CSMD3: variants seen among roughly 807,000 people sequenced by gnomAD.
The protein encoded by CSMD3 is CUB and Sushi multiple domains 3.
CSMD3 carries 177 observed loss-of-function variants against 435.2 expected under a neutral mutation model. That is an observed-to-expected ratio of 0.41 (90% CI 0.36 to 0.46). The LOEUF (loss-of-function observed/expected upper bound fraction) is 0.46. Among genes scored for constraint, CSMD3 ranks in the 20% least tolerant of loss-of-function variants. The pLI is 0.34. For missense variants in CSMD3, 4,265 were observed against 4,504.6 expected (o/e 0.95, Z 1.52); for synonymous variants, 1,656 against 1,520.5 (o/e 1.09, Z -2.07).
At chr8:113,116,535 T>C (rs2090833959) in intron 4 of CSMD3, among the ~76,000 whole-genome samples, 1 of 152,154 alleles carries the variant, frequency 6.6e-6, no homozygotes, top group South Asian at 2.1e-4. Context: ...ACTTATACAG[T>C]TAATTGGTAC....
At position 113,134,149 on chromosome 8, in the gene CSMD3, T is replaced by C. The variant is rs527947100; in HGVS notation, c.710-35186A>G. Among the ~76,000 whole-genome samples, 261 of 152,236 alleles carry C rather than the reference T, an allele frequency of 1.7e-3. 1 individual carries two copies. Among genetic ancestry groups the C allele is most frequent in the Middle Eastern group, 3.4e-3 (1 of 294 alleles). ...TGTAGTGATTAGAAGGATTAATAAA[T>C]TCATATGTGATCAAATACCAAAATA... On this transcript the variant is annotated intron_variant, in intron 4 of 70. Transcript: ENST00000297405.
intron 20 of CSMD3, among the ~76,000 whole-genome samples, chr8:112,639,254 A>G (rs4642681): frequency 0.49 from 74,550 of 151,824 alleles, 18,941 homozygotes; most frequent in African/African-American, 0.59. Flanking sequence ...CAAATACTGC[A>G]CATGCCTCCA....
chr8:112,573,498 T>C lies in CSMD3; in HGVS notation c.4042+3A>G. 6.2e-7 allele frequency: 1 copy of C among 1,611,766 alleles called. No homozygotes were observed. Among genetic ancestry groups the C allele is most frequent in the South Asian group, 1.1e-5 (1 of 91,040 alleles). On this transcript the variant is annotated splice_donor_region_variant and intron_variant, in intron 24 of 70. Coordinates refer to ENST00000297405, the MANE Select transcript of CSMD3 (RefSeq NM_198123.2). ...GGCCATTTTACTCTTCTAAAATACT[T>C]ACTGGTATACACAAGTTGAAAGCCT... is the stretch of plus-strand genomic sequence containing the variant.
chr8:112,457,333 G>A (rs1816940434), intron 32 of CSMD3, among the ~76,000 whole-genome samples: 1 of 152,028 alleles, frequency 6.6e-6, no homozygotes, highest in Non-Finnish European at 1.5e-5. Flanking sequence ...ATTCACAGGC[G>A]AGTGAGAGAA....
chr8:113,369,119 T>C (rs1210734954), intron 1 of CSMD3, among the ~76,000 whole-genome samples: 2 of 152,038 alleles, frequency 1.3e-5, no homozygotes, highest in Admixed American at 6.6e-5. Flanking sequence ...ATCTTTATTA[T>C]AGTAAATCTC....
chr8:113,009,103 TTA>T (rs1004186365), intron 6 of CSMD3, among the ~76,000 whole-genome samples: 5 of 151,774 alleles, frequency 3.3e-5, no homozygotes, highest in African/African-American at 1.2e-4. Context: ...AATTAAATAT[TTA>T]TATATGTGTG....
chr8:113,019,995 C>T (rs1209115212), intron 5 of CSMD3, among the ~76,000 whole-genome samples: 4 of 150,506 alleles, frequency 2.7e-5, no homozygotes, highest in Non-Finnish European at 4.4e-5. Context: ...AACCCCGTCT[C>T]TACTAAAAAT....
At chr8:112,392,314 C>CAA (rs1200157495) in intron 35 of CSMD3, among the ~76,000 whole-genome samples, 1,600 of 83,786 alleles carry the variant, frequency 0.019, 32 homozygotes, top group East Asian at 0.038. Context: ...GGCAATTACT[C>CAA]AAAAAAAAAA....
chr8:112,799,202 T>G (rs72680223), intron 13 of CSMD3, among the ~76,000 whole-genome samples: 3,304 of 151,490 alleles, frequency 0.022, 63 homozygotes, highest in Non-Finnish European at 0.031. Context: ...AGTACCAAAT[T>G]TAGTCACACA....
chr8:113,207,214 T>C (rs1177647947), intron 3 of CSMD3, among the ~76,000 whole-genome samples: 1 of 152,176 alleles, frequency 6.6e-6, no homozygotes, highest in Non-Finnish European at 1.5e-5. Flanking sequence ...CTCCTTGGAA[T>C]GAACATGGTG....
intron 45 of CSMD3, 52 bp from the exon 46 acceptor site, chr8:112,320,033 C>A (rs1443104046): frequency 8.6e-7 from 1 of 1,161,986 alleles, no homozygotes; most frequent in East Asian, 2.3e-5. Context: ...TACATGTATT[C>A]ACATATGCAA....
intron 4 of CSMD3, among the ~76,000 whole-genome samples, chr8:113,128,374 T>A (rs1284126087): frequency 6.6e-6 from 1 of 152,002 alleles, no homozygotes; most frequent in Admixed American, 6.6e-5. Context: ...ATAAAATTTT[T>A]TTTTATTTTT....
chr8:112,911,772 T>C (rs1421353733), intron 10 of CSMD3, among the ~76,000 whole-genome samples: 3 of 146,602 alleles, frequency 2.0e-5, no homozygotes, highest in African/African-American at 4.9e-5. Flanking sequence ...TAGTTAATTG[T>C]TATGTATATA....
At chr8:113,232,524 T>A (rs925508189) in intron 3 of CSMD3, among the ~76,000 whole-genome samples, 30 of 151,772 alleles carry the variant, frequency 2.0e-4, no homozygotes, top group African/African-American at 7.0e-4. Context: ...ATGACAATGC[T>A]GCTGGTACTA....
At chr8:112,426,027 A>C (rs1813036835) in intron 32 of CSMD3, among the ~76,000 whole-genome samples, 1 of 152,170 alleles carries the variant, frequency 6.6e-6, no homozygotes, top group East Asian at 1.9e-4. Context: ...GTCAAGTTCT[A>C]TTTCTTTGTC....
intron 1 of CSMD3, among the ~76,000 whole-genome samples, chr8:113,424,890 T>G (rs1365981283): frequency 6.6e-6 from 1 of 151,526 alleles, no homozygotes; most frequent in Non-Finnish European, 1.5e-5. Flanking sequence ...AAAGGTGGTG[T>G]CAACTACACT....
intron 1 of CSMD3, among the ~76,000 whole-genome samples, chr8:113,424,820 C>A (rs936407266): frequency 2.0e-5 from 3 of 151,334 alleles, no homozygotes; most frequent in Non-Finnish European, 4.4e-5. Flanking sequence ...CAAACAGCAT[C>A]TGTAGAATGT....
intron 1 of CSMD3, among the ~76,000 whole-genome samples, chr8:113,317,361 G>T (rs1309829351): frequency 6.6e-6 from 1 of 151,970 alleles, no homozygotes; most frequent in Non-Finnish European, 1.5e-5. Context: ...CTGATCTACG[G>T]GCTGTTTTAT....
At chr8:112,785,629 A>C (rs544708259) in intron 13 of CSMD3, among the ~76,000 whole-genome samples, 3 of 152,236 alleles carry the variant, frequency 2.0e-5, no homozygotes, top group Admixed American at 6.5e-5. Flanking sequence ...CTGAAAAAGC[A>C]ATCAAGACAA....
Sources: allele counts gnomAD v4.1 joint callset (sites outside exome capture counted in the v4.1 genomes callset), GRCh38; gene constraint gnomAD v4.1.1; transcripts MANE v1.5; gene names NCBI Gene and HGNC (gene_info 2026-07-23, HGNC 2026-07-21).